Variants in CDA observed in about 807,000 individuals in gnomAD.
CDA encodes cytidine deaminase, also known as cytidine aminohydrolase.
CDA carries 7 observed loss-of-function variants against 15.0 expected under a neutral mutation model. That is an observed-to-expected ratio of 0.47 (90% CI 0.26 to 0.87). The LOEUF (loss-of-function observed/expected upper bound fraction) is 0.87, where lower values mean the gene tolerates loss of function less well. Among genes scored for constraint, CDA ranks in the 40% least tolerant of loss-of-function variants. The pLI, the probability that CDA is intolerant of heterozygous loss-of-function variation, is 0.15. For synonymous variants in CDA, 58 were observed against 73.0 expected (o/e 0.79, Z 1.05); for missense variants, 159 against 182.7 (o/e 0.87, Z 0.75).
At chr1:20,597,533 T>C (rs1261421255) in intron 1 of CDA, among the ~76,000 whole-genome samples, 1 of 152,232 alleles carries the variant, frequency 6.6e-6, no homozygotes, top group Admixed American at 6.5e-5. Flanking sequence ...TTCTGTAAAA[T>C]GGTGTTCTAA....
At chr1:20,603,337 G>A (rs542482018) in intron 1 of CDA, among the ~76,000 whole-genome samples, 1 of 152,228 alleles carries the variant, frequency 6.6e-6, no homozygotes, top group South Asian at 2.1e-4. Flanking sequence ...TAGGCCCCAG[G>A]CAAACGGGCA....
chr1:20,589,215 C>G lies in CDA; in HGVS notation c.86C>G (p.Ala29Gly), dbSNP rs141943457. ...TGCTCCCAGGAGGCCAAGAAGTCAG[C>G]CTACTGCCCCTACAGTCACTTTCCT... The part of the protein sequence containing the change: ...LVCSQEAKKS[A>G]YCPYSHFPVG... Residue 29 changes from alanine (A) to glycine (G), a missense_variant, in exon 1 of 4, where the codon GCC becomes GGC. Coordinates refer to ENST00000375071, the MANE Select transcript of CDA (RefSeq NM_001785.3). The G allele has an allele frequency of 6.2e-7, 1 of 1,613,842 alleles. No individual in the cohort carries two copies. The highest frequency in any genetic ancestry group is 8.5e-7 in the Non-Finnish European group (1 of 1,179,760).
At chr1:20,589,837 A>ACGTGTTTGT (rs1311375419) in intron 1 of CDA, among the ~76,000 whole-genome samples, 2 of 151,896 alleles carry the variant, frequency 1.3e-5, no homozygotes, top group East Asian at 3.9e-4. Flanking sequence ...CAGGGTGGTG[A>ACGTGTTTGT]CGTGTTTGTC....
intron 2 of CDA, among the ~76,000 whole-genome samples, chr1:20,612,077 G>A (rs952886912): frequency 8.6e-5 from 13 of 152,000 alleles, no homozygotes; most frequent in African/African-American, 3.1e-4. Context: ...TGGCCAGGAT[G>A]GTCTCGAACT....
intron 1 of CDA, among the ~76,000 whole-genome samples, chr1:20,604,130 A>G (rs1046002050): frequency 6.6e-6 from 1 of 152,088 alleles, no homozygotes; most frequent in Non-Finnish European, 1.5e-5. Flanking sequence ...CCCTGGCTGA[A>G]CTCTGACAGC....
intron 3 of CDA, among the ~76,000 whole-genome samples, chr1:20,617,957 A>G (rs549630020): frequency 4.5e-4 from 69 of 152,042 alleles, no homozygotes; most frequent in Non-Finnish European, 9.0e-4. Context: ...CGGCCTCCCA[A>G]AAGTGCTGGG....
intron 1 of CDA, among the ~76,000 whole-genome samples, chr1:20,598,303 G>A (rs1292605099): frequency 6.6e-6 from 1 of 152,130 alleles, no homozygotes; most frequent in Non-Finnish European, 1.5e-5. Flanking sequence ...TGCCACATGA[G>A]GAATAGTGTT....
rs374654568 is a variant in CDA, at chr1:20,589,184, C to T, written c.55C>T (p.Leu19=). The part of the protein sequence containing the change: ...TLKPECVQQL[L]VCSQEAKKSA... ...GAAGCCTGAGTGTGTCCAGCAGCTG[C>T]TGGTTTGCTCCCAGGAGGCCAAGAA... Residue 19 remains leucine, a synonymous_variant, in exon 1 of 4, where the codon CTG becomes TTG. Transcript: ENST00000375071. The T allele has an allele frequency of 6.2e-7, 1 of 1,614,006 alleles. No homozygotes were observed. Among genetic ancestry groups the T allele is most frequent in the African/African-American group, 1.3e-5 (1 of 74,930 alleles).
chr1:20,604,986 C>A lies in CDA; in HGVS notation c.213C>A (p.Ile71=), dbSNP rs2154532394. The change falls in exon 2 of 4, where the codon ATC becomes ATA. Residue 71 remains isoleucine, a synonymous_variant. Coordinates refer to ENST00000375071, the MANE Select transcript of CDA (RefSeq NM_001785.3). ...GCATCTGTGCTGAACGGACCGCTAT[C>A]CAGAAGGCCGTCTCAGAAGGGTACA... ...PLGICAERTA[I]QKAVSEGYKD... is the part of the protein sequence containing the mutation. The A allele has an allele frequency of 6.2e-7, 1 of 1,614,048 alleles. No individual in the cohort carries two copies. Among genetic ancestry groups the A allele is most frequent in the Non-Finnish European group, 8.5e-7 (1 of 1,179,960 alleles).
chr1:20,615,710 T>A (rs2052795624), intron 3 of CDA, among the ~76,000 whole-genome samples: 1 of 151,480 alleles, frequency 6.6e-6, no homozygotes, highest in Admixed American at 6.6e-5. Context: ...CCCCTCGAAA[T>A]ACGGCATCTT....
chr1:20,617,211 C>G (rs192208938), intron 3 of CDA, among the ~76,000 whole-genome samples: 1 of 152,158 alleles, frequency 6.6e-6, no homozygotes, highest in South Asian at 2.1e-4. Flanking sequence ...CAAGGTCACA[C>G]AGCAAACAAA....
At chr1:20,593,333 TG>T (rs1440230395) in intron 1 of CDA, among the ~76,000 whole-genome samples, 1 of 152,138 alleles carries the variant, frequency 6.6e-6, no homozygotes, top group African/African-American at 2.4e-5. Context: ...CACCTCATGA[TG>T]GGGGACAATG....
intron 1 of CDA, among the ~76,000 whole-genome samples, chr1:20,594,407 A>G (rs1380055073): frequency 6.6e-6 from 1 of 151,982 alleles, no homozygotes; most frequent in Non-Finnish European, 1.5e-5. Flanking sequence ...AGAGGAGCTC[A>G]CTGGTGAGGA....
At chr1:20,594,432 G>GA (rs200034728) in intron 1 of CDA, among the ~76,000 whole-genome samples, 91 of 148,302 alleles carry the variant, frequency 6.1e-4, no homozygotes, top group African/African-American at 1.9e-3. Context: ...GCTGCTAAGG[G>GA]AAAAAAAAAA....
rs186967972 is a variant in CDA at position 20,596,593 on chromosome 1, C to A, written c.154+7310C>A. The stretch of plus-strand genomic sequence containing the variant: ...AAATAAATTTAAAAAGAGAAGCCCT[C>A]CAAAACATTCTGATGCCCACTTGCT... On this transcript the variant is annotated intron_variant, in intron 1 of 3. Transcript: ENST00000375071. Among the ~76,000 whole-genome samples the A allele has an allele frequency of 3.4e-3, 517 of 152,114 alleles. 7 individuals carry two copies. Among genetic ancestry groups the A allele is most frequent in the Non-Finnish European group, 3.0e-3 (206 of 67,988 alleles).
At chr1:20,592,903 G>A (rs970836173) in intron 1 of CDA, among the ~76,000 whole-genome samples, 9 of 152,182 alleles carry the variant, frequency 5.9e-5, no homozygotes, top group Non-Finnish European at 1.3e-4. Flanking sequence ...GACCAGCCTG[G>A]ACAACATGGC....
At position 20,598,088 on chromosome 1, in the gene CDA, G is replaced by A. The variant is rs141525441; in HGVS notation, c.155-6840G>A. ...TTTGCCCCCTCCAAAATGCATAAGC[G>A]TACTTTGGAGGGCTTCTCTTTTCAA... On this transcript the variant is annotated intron_variant, in intron 1 of 3. Transcript: ENST00000375071. 1.2e-4 allele frequency among the ~76,000 whole-genome samples: 18 copies of A among 152,212 alleles called. 1 individual carries two copies. The highest frequency in any genetic ancestry group is 2.6e-4 in the African/African-American group (11 of 41,534).
chr1:20,610,490 A>G (rs2052739746), intron 2 of CDA, among the ~76,000 whole-genome samples: 2 of 151,764 alleles, frequency 1.3e-5, no homozygotes, highest in Admixed American at 1.3e-4. Flanking sequence ...TAGTAGAGAC[A>G]GGGTTTCACC....
chr1:20,612,683 G>A (rs998256189), intron 2 of CDA, among the ~76,000 whole-genome samples: 4 of 151,928 alleles, frequency 2.6e-5, no homozygotes, highest in African/African-American at 2.4e-5. Flanking sequence ...TTGGTGGGGC[G>A]GGGCGGGGTG....
Sources: gnomAD v4.1 joint callset for allele counts (sites outside exome capture counted in the v4.1 genomes callset) on GRCh38, gnomAD v4.1.1 for gene constraint, MANE v1.5 for transcripts, NCBI Gene and HGNC (gene_info 2026-07-23, HGNC 2026-07-21) for gene names.